The following CFAP43 variants were observed in gnomAD, a reference collection of about 807,000 sequenced individuals.
The protein encoded by CFAP43 is cilia- and flagella-associated protein 43.
CFAP43 carries 155 observed loss-of-function variants against 218.9 expected under a neutral mutation model. That is an observed-to-expected ratio of 0.71 (90% confidence interval 0.62 to 0.81). The LOEUF is 0.81. Ranked by LOEUF, CFAP43 falls within the 30% of genes least tolerant of loss-of-function variation. The pLI, the probability that CFAP43 is intolerant of heterozygous loss-of-function variation, is 0.00. For missense variants in CFAP43, 1,778 were observed against 1,954.3 expected, an observed-to-expected ratio of 0.91 and a Z score of 1.70; for synonymous variants, 645 against 681.3, an observed-to-expected ratio of 0.95 and a Z score of 0.83.
At chr10:104,174,872 C>T (rs1473793140) in intron 19 of CFAP43, among the ~76,000 whole-genome samples, 1 of 151,242 alleles carries the variant, frequency 6.6e-6, no homozygotes, top group Non-Finnish European at 1.5e-5. Flanking sequence ...TGGCTAACAC[C>T]GTGAAACACC....
At chr10:104,132,747 T>G (rs1452359895) in intron 35 of CFAP43, 2 of 984,376 alleles carry the variant, frequency 2.0e-6, no homozygotes, top group African/African-American at 3.5e-5. Context: ...TATTTTCTCA[T>G]TCATTAATTC....
At chr10:104,190,923 T>A (rs1226410900) in intron 12 of CFAP43, among the ~76,000 whole-genome samples, 2 of 152,200 alleles carry the variant, frequency 1.3e-5, no homozygotes, top group Non-Finnish European at 2.9e-5. Flanking sequence ...TTGCCTCATG[T>A]GGAGAGATAA....
intron 37 of CFAP43, among the ~76,000 whole-genome samples, chr10:104,130,637 A>G (rs188911540): frequency 1.1e-3 from 171 of 152,206 alleles, no homozygotes; most frequent in African/African-American, 4.0e-3. Context: ...AAAACCAAAT[A>G]CCACATGTTC....
At chr10:104,131,309 A>G in intron 37 of CFAP43, 22 bp downstream of exon 37, 1 of 1,595,708 alleles carries the variant, frequency 6.3e-7, no homozygotes, top group Non-Finnish European at 8.5e-7. Flanking sequence ...ACAGTTGGTT[A>G]AAGAAAAAAA....
intron 3 of CFAP43, among the ~76,000 whole-genome samples, chr10:104,220,632 T>A (rs1476541448): frequency 2.0e-5 from 3 of 152,156 alleles, no homozygotes; most frequent in African/African-American, 7.2e-5. Context: ...ATTTCTCATA[T>A]CATGCTGGGA....
chr10:104,196,445 CA>C (rs1298846963), intron 10 of CFAP43, among the ~76,000 whole-genome samples: 1 of 152,162 alleles, frequency 6.6e-6, no homozygotes, highest in Non-Finnish European at 1.5e-5. Context: ...CCTCTCCCTC[CA>C]AAAGACCTTT....
chr10:104,206,665 G>A (rs2090699086), intron 6 of CFAP43, among the ~76,000 whole-genome samples: 1 of 152,200 alleles, frequency 6.6e-6, no homozygotes, highest in South Asian at 2.1e-4. Flanking sequence ...AGAAATCAAG[G>A]TGTGAAATAG....
chr10:104,192,073 G>A (rs1203355204), intron 12 of CFAP43, 126 bp downstream of exon 12: 7 of 696,110 alleles, frequency 1.0e-5, no homozygotes, highest in Non-Finnish European at 1.6e-5. Flanking sequence ...GTTATTTAAA[G>A]GTTTCTCTTT....
intron 5 of CFAP43, 100 bp from the exon 6 acceptor site, chr10:104,207,924 C>T (rs1162527426): frequency 8.4e-7 from 1 of 1,195,210 alleles, no homozygotes; most frequent in Non-Finnish European, 1.2e-6. Context: ...CCATACTTAA[C>T]CCCATAGACG....
chr10:104,134,017 A>G lies in CFAP43; in HGVS notation c.4432-233T>C, dbSNP rs78004132. ...TACATTTAAATAGCAGAGCCAATTT[A>G]CTTTATATGTCAACAATTAGGCAGG... On this transcript the variant is annotated intron_variant, in intron 34 of 37. Transcript: ENST00000357060. 4.3e-3 allele frequency among the ~76,000 whole-genome samples: 657 copies of G among 152,330 alleles called. 6 individuals carry two copies. Among genetic ancestry groups the G allele is most frequent in the Non-Finnish European group, 7.3e-3 (495 of 68,020 alleles).
chr10:104,203,594 G>A, intron 8 of CFAP43, 78 bp downstream of exon 8: 1 of 1,395,550 alleles, frequency 7.2e-7, no homozygotes. Flanking sequence ...AGCATACTCT[G>A]CTCCTCATTC....
chr10:104,154,743 G>C lies in CFAP43; in HGVS notation c.3541-2017C>G, dbSNP rs867882896. ...TTTTTGTAGTGTAAAATGGCCCTTT[G>C]CCATTTCTTCTTCAAATGCCCCAAA... is the stretch of plus-strand genomic sequence containing the variant. On this transcript the variant is annotated intron_variant, in intron 27 of 37. Coordinates refer to ENST00000357060, the MANE Select transcript of CFAP43 (RefSeq NM_025145.7). Among the ~76,000 whole-genome samples the C allele has an allele frequency of 2.6e-5, 4 of 152,256 alleles. No homozygotes were observed. In the Middle Eastern group the frequency reaches 0.01, roughly 388 times the overall value.
intron 19 of CFAP43, 140 bp from the exon 20 acceptor site, chr10:104,172,675 G>T: frequency 1.3e-6 from 1 of 744,538 alleles, no homozygotes. Context: ...TAAATAATTA[G>T]ATTATGGGCT....
intron 29 of CFAP43, among the ~76,000 whole-genome samples, chr10:104,146,630 G>A (rs1236233116): frequency 6.6e-6 from 1 of 152,170 alleles, no homozygotes; most frequent in African/African-American, 2.4e-5. Flanking sequence ...GAGGATGAAA[G>A]TGCACAGGCT....
intron 2 of CFAP43, among the ~76,000 whole-genome samples, chr10:104,229,858 AACATCAAT>A (rs2091403947): frequency 6.6e-6 from 1 of 152,142 alleles, no homozygotes; most frequent in Non-Finnish European, 1.5e-5. Flanking sequence ...AAGCTATACA[AACATCAAT>A]TCACCTGGAT....
At chr10:104,232,142 CG>C (rs778866048) in intron 1 of CFAP43, 39 bp downstream of exon 1, 1 of 1,584,984 alleles carries the variant, frequency 6.3e-7, no homozygotes, top group Non-Finnish European at 8.6e-7. Flanking sequence ...CAGGAGGTTC[CG>C]CGAGACCCAG....
chr10:104,178,948 C>G, intron 19 of CFAP43, 81 bp downstream of exon 19: 1 of 1,048,946 alleles, frequency 9.5e-7, no homozygotes, highest in Non-Finnish European at 1.4e-6. Flanking sequence ...TATAGTTCCT[C>G]AGGGTAGAAC....
Position 104,166,797 on chromosome 10 carries a change from A to C in CFAP43, c.2809-79T>G, listed in dbSNP as rs74154745. On this transcript the variant is annotated intron_variant, in intron 22 of 37. Transcript: ENST00000357060. ...AGGGAAATTTTGTGACAACTTAATT[A>C]TTTCAACAATCATTTTAATTTGTTG... 2.1e-3 allele frequency: 2,569 copies of C among 1,215,578 alleles called. 36 individuals are homozygous for C. The African/African-American group carries it at 0.034, about 16-fold the overall frequency. 75.3% of individuals were successfully genotyped at this position (1,215,578 alleles called of 1,614,324 possible).
intron 27 of CFAP43, among the ~76,000 whole-genome samples, chr10:104,159,145 T>G (rs1373577077): frequency 1.3e-5 from 2 of 152,118 alleles, no homozygotes; most frequent in Admixed American, 1.3e-4. Context: ...TTTATACATG[T>G]TTGACATTTT....
Sources: allele counts gnomAD v4.1 joint callset (sites outside exome capture counted in the v4.1 genomes callset), GRCh38; gene constraint gnomAD v4.1.1; transcripts MANE v1.5; gene names NCBI Gene and HGNC (gene_info 2026-07-23, HGNC 2026-07-21).